PER3: variants seen among roughly 807,000 people sequenced by gnomAD.
PER3 encodes period circadian protein homolog 3.
Under a neutral mutation model 127.2 loss-of-function variants are expected in PER3, and 107 were observed. That is an observed-to-expected ratio of 0.84 (90% confidence interval 0.72 to 0.99). The LOEUF is 0.99. PER3 is among the 50% of genes least tolerant of loss of function. The pLI, the probability that PER3 is intolerant of heterozygous loss-of-function variation, is 0.00. For synonymous variants in PER3, 618 were observed against 585.8 expected, an observed-to-expected ratio of 1.05 and a Z score of -0.79; for missense variants, 1,560 against 1,525.8, an observed-to-expected ratio of 1.02 and a Z score of -0.37.
rs1392446129 is a variant in PER3, at chr1:7,784,923, G to A, written c.46G>A (p.Asp16Asn). Residue 16 changes from aspartate to asparagine, a missense_variant, in exon 2 of 22, where the codon GAC (aspartate) becomes AAC (asparagine). This residue lies in a region of PER3 where 1,332 missense variants were observed against 1,223.6 expected (regional missense o/e 1.09). Transcript: ENST00000377532. Reference protein sequence around the residue: ...APGPGRRGAKDEALGEESGER... With the variant: ...APGPGRRGAKNEALGEESGER... The stretch of plus-strand genomic sequence containing the variant: ...TGGCCCCGGGAGACGGGGGGCTAAG[G>A]ACGAGGCCCTGGGCGAAGAATCGGG... The A allele has an allele frequency of 3.3e-6, 5 of 1,536,076 alleles. No individual in the cohort carries two copies. Among genetic ancestry groups the A allele is most frequent in the Non-Finnish European group, 4.3e-6 (5 of 1,153,768 alleles).
intron 10 of PER3, among the ~76,000 whole-genome samples, chr1:7,805,489 A>G (rs2097188979): frequency 6.6e-6 from 1 of 152,192 alleles, no homozygotes; most frequent in Admixed American, 6.5e-5. Flanking sequence ...GCACGTGTAG[A>G]ACTTAATGGA....
chr1:7,785,623 C>T, intron 3 of PER3, 37 bp downstream of exon 3: 2 of 1,580,752 alleles, frequency 1.3e-6, no homozygotes, highest in Non-Finnish European at 1.7e-6. Flanking sequence ...CCTACGAATG[C>T]ACCAGGACTC....
At position 7,826,431 on chromosome 1, in the gene PER3, A is replaced by T; in HGVS notation, c.1958-49A>T. ...AGGCAGTTAACAAAGTAAAATAAAT[A>T]CAAATAATTGATAGGAATTAAAATT... On this transcript the variant is annotated intron_variant, in intron 16 of 21. Coordinates refer to ENST00000377532, the MANE Select transcript of PER3 (RefSeq NM_001377275.1). The surrounding 1 kb of genome is among the most constrained non-coding windows in gnomAD (Gnocchi z 4.2). 1 of 1,021,742 alleles carries T rather than the reference A, an allele frequency of 9.8e-7. No individual in the cohort carries two copies. The highest frequency in any genetic ancestry group is 1.4e-5 in the South Asian group (1 of 74,000). 63.3% of individuals were successfully genotyped at this position (1,021,742 alleles called of 1,614,324 possible).
intron 21 of PER3, among the ~76,000 whole-genome samples, chr1:7,841,407 G>A (rs989512832): frequency 3.3e-5 from 5 of 151,890 alleles, no homozygotes; most frequent in South Asian, 2.1e-4. Context: ...GTTGGAAGAC[G>A]GGGTCCTTAT....
At chr1:7,790,807 G>A (rs572728562) in intron 5 of PER3, among the ~76,000 whole-genome samples, 1 of 152,322 alleles carries the variant, frequency 6.6e-6, no homozygotes, top group Non-Finnish European at 1.5e-5. Flanking sequence ...CCAAAACAAA[G>A]GGGCTACAGG....
At chr1:7,829,662 C>A (rs776195389) in intron 18 of PER3, among the ~76,000 whole-genome samples, 172 bp from the exon 19 acceptor site, 4 of 152,158 alleles carry the variant, frequency 2.6e-5, no homozygotes, top group Non-Finnish European at 2.9e-5. Context: ...GAATGGCTGA[C>A]AATTTTAAAC....
Position 7,842,658 on chromosome 1 carries a change from G to C in PER3, c.3550-14G>C, listed in dbSNP as rs1349603211. The C allele has an allele frequency of 6.2e-7, 1 of 1,612,898 alleles. No homozygotes were observed. The highest frequency in any genetic ancestry group is 2.2e-5 in the East Asian group (1 of 44,844). ...TGACATCAAGTAACTCGCCTGCTTT[G>C]TTCTTTTTTGGAGGCCTGTGTCACT... On this transcript the variant is annotated splice_polypyrimidine_tract_variant and intron_variant, in intron 21 of 21. Coordinates refer to ENST00000377532, the MANE Select transcript of PER3 (RefSeq NM_001377275.1).
chr1:7,792,868 A>G (rs1324922938), intron 5 of PER3, among the ~76,000 whole-genome samples: 1 of 152,224 alleles, frequency 6.6e-6, no homozygotes, highest in Non-Finnish European at 1.5e-5. Context: ...GTCTTAGATC[A>G]CGTAGTCTAG....
chr1:7,784,750 G>C lies in PER3; in HGVS notation c.-128G>C. 9.9e-7 allele frequency: 1 copy of C among 1,010,554 alleles called. No homozygotes were observed. The highest frequency in any genetic ancestry group is 1.3e-6 in the Non-Finnish European group (1 of 749,968). 62.6% of individuals were successfully genotyped at this position (1,010,554 alleles called of 1,614,324 possible). On this transcript the variant is annotated 5_prime_UTR_variant, in exon 2 of 22. Coordinates refer to ENST00000377532, the MANE Select transcript of PER3 (RefSeq NM_001377275.1). The stretch of plus-strand genomic sequence containing the variant: ...CGTGACCCCCTGGCTCGTGGTGGCC[G>C]CCTGTTCTCACTAACGCCATGGCGG...
At chr1:7,816,976 G>A (rs866735236) in intron 13 of PER3, among the ~76,000 whole-genome samples, 1 of 152,150 alleles carries the variant, frequency 6.6e-6, no homozygotes, top group Non-Finnish European at 1.5e-5. Context: ...GCTACTTAAC[G>A]GTGAAGAGAA....
chr1:7,787,225 A>G (rs768390072), intron 4 of PER3: 116 of 910,508 alleles, frequency 1.3e-4, no homozygotes, highest in Non-Finnish European at 1.5e-4. Context: ...TCAAGTTGTA[A>G]CAACTGGATG....
rs1412559607 is a variant in PER3 at position 7,845,141 on chromosome 1, A to G, written c.*2386A>G. 6.6e-6 allele frequency: 1 copy of G among 152,286 alleles called. No homozygotes were observed. Among genetic ancestry groups the G allele is most frequent in the Non-Finnish European group, 1.5e-5 (1 of 67,990 alleles). The allele number at this position is 152,286 out of a possible 1,614,324, so 9.4% of individuals were successfully genotyped here. A position where few individuals can be genotyped will look rare whatever the true frequency, so the allele number is the denominator to read the frequency against. Reference sequence around the variant, plus strand: ...ATTTCAGTTGGGTATCTTTTTAAGTAAAAACAACAAATAAACTCTGTACAT... The same window carrying G: ...ATTTCAGTTGGGTATCTTTTTAAGTGAAAACAACAAATAAACTCTGTACAT... On this transcript the variant is annotated 3_prime_UTR_variant, in exon 22 of 22. Coordinates refer to ENST00000377532, the MANE Select transcript of PER3 (RefSeq NM_001377275.1).
At position 7,826,597 on chromosome 1, in the gene PER3, A is replaced by G; in HGVS notation, c.2075A>G (p.Gln692Arg). 1 of 1,613,452 alleles carries G rather than the reference A, an allele frequency of 6.2e-7. No homozygotes were observed. Among genetic ancestry groups the G allele is most frequent in the Non-Finnish European group, 8.5e-7 (1 of 1,179,356 alleles). ...GCGGCTGTTCTGTCAGCGCACACCC[A>G]GAAGGAAGAGCAGAATTATGTTGAT... ...LTAAVLSAHT[Q>R]KEEQNYVDKF... The change falls in exon 17 of 22, where the codon CAG becomes CGG. Residue 692 changes from glutamine to arginine, a missense_variant. Physicochemically the swap from Gln to Arg is conservative, Grantham distance 43 (BLOSUM62 1). Transcript: ENST00000377532. The surrounding 1 kb of genome is among the most constrained non-coding windows in gnomAD (Gnocchi z 4.2).
intron 5 of PER3, among the ~76,000 whole-genome samples, chr1:7,791,129 T>C (rs1252919809): frequency 6.6e-6 from 1 of 152,250 alleles, no homozygotes; most frequent in East Asian, 1.9e-4. Flanking sequence ...GTGAAGACTG[T>C]GTGGGCTCCG....
chr1:7,820,072 T>C (rs1238613305), intron 14 of PER3, 43 bp from the exon 15 acceptor site: 2 of 1,594,192 alleles, frequency 1.3e-6, no homozygotes. Context: ...ATGGCACAAT[T>C]AGGGAACAGG....
intron 21 of PER3, 69 bp downstream of exon 21, chr1:7,837,218 G>A (rs1429742908): frequency 6.7e-6 from 9 of 1,343,804 alleles, no homozygotes; most frequent in African/African-American, 2.9e-5. Flanking sequence ...AATATAGGTC[G>A]TGTTCTTGCA....
At chr1:7,805,112 C>T (rs1380307215) in intron 10 of PER3, among the ~76,000 whole-genome samples, 2 of 152,168 alleles carry the variant, frequency 1.3e-5, no homozygotes, top group Non-Finnish European at 2.9e-5. Flanking sequence ...AAATGATCCA[C>T]CCACCTTGGC....
intron 12 of PER3, 162 bp from the exon 13 acceptor site, chr1:7,810,276 C>T (rs115637663): frequency 3.2e-6 from 2 of 628,574 alleles, no homozygotes; most frequent in African/African-American, 3.7e-5. Context: ...TTTGTTGGTA[C>T]CAGTATACTG....
intron 5 of PER3, among the ~76,000 whole-genome samples, chr1:7,789,140 A>AATATATATATATATATATATATATATAT (rs59535110): frequency 1.5e-5 from 2 of 133,160 alleles, no homozygotes; most frequent in African/African-American, 2.7e-5. Context: ...AGAGCTTTAA[A>AATATATATATATATATATATATATATAT]ATATATATAT....
Sources: gnomAD v4.1 joint callset for allele counts (sites outside exome capture counted in the v4.1 genomes callset) on GRCh38, gnomAD v4.1.1 for gene constraint, gnomAD v4.1.1 regional missense constraint, Gnocchi (gnomAD v3.1) non-coding constraint, MANE v1.5 for transcripts, NCBI Gene and HGNC (gene_info 2026-07-23, HGNC 2026-07-21) for gene names.